The following NAALADL2 variants were observed in gnomAD, a reference collection of about 807,000 sequenced individuals.
The protein encoded by NAALADL2 is N-acetylated alpha-linked acidic dipeptidase like 2.
NAALADL2 carries 76 observed loss-of-function variants against 87.2 expected under a neutral mutation model. That is an observed-to-expected ratio of 0.87 (90% CI 0.72 to 1.05). The LOEUF (loss-of-function observed/expected upper bound fraction) is 1.05. Among genes scored for constraint, NAALADL2 ranks in the 50% least tolerant of loss-of-function variants. NAALADL2 has a pLI of 0.00. For synonymous variants in NAALADL2, 354 were observed against 331.0 expected, an observed-to-expected ratio of 1.07 and a Z score of -0.75; for missense variants, 1,089 against 945.8, an observed-to-expected ratio of 1.15 and a Z score of -1.99.
At chr3:174,694,863 G>C (rs1728883353) in intron 2 of NAALADL2, among the ~76,000 whole-genome samples, 1 of 151,958 alleles carries the variant, frequency 6.6e-6, no homozygotes, top group African/African-American at 2.4e-5. Context: ...GTTAAGTACT[G>C]CCCATTAATA....
At chr3:175,516,345 T>C (rs1731829994) in intron 9 of NAALADL2, among the ~76,000 whole-genome samples, 1 of 152,128 alleles carries the variant, frequency 6.6e-6, no homozygotes, top group African/African-American at 2.4e-5. Flanking sequence ...AAGGAGAAGG[T>C]ATTGTCTTAG....
intron 2 of NAALADL2, among the ~76,000 whole-genome samples, chr3:175,173,019 G>A (rs915134815): frequency 1.3e-4 from 19 of 151,920 alleles, no homozygotes; most frequent in Non-Finnish European, 1.0e-4. Flanking sequence ...AGCCAGGTGC[G>A]GTGGCTCACC....
intron 2 of NAALADL2, among the ~76,000 whole-genome samples, chr3:175,137,358 C>A (rs1437202545): frequency 1.3e-5 from 2 of 152,018 alleles, no homozygotes; most frequent in African/African-American, 4.8e-5. Flanking sequence ...AATTTCATAA[C>A]ACATTATTTC....
At chr3:175,312,087 C>T (rs1758448333) in intron 4 of NAALADL2, among the ~76,000 whole-genome samples, 1 of 152,016 alleles carries the variant, frequency 6.6e-6, no homozygotes, top group Admixed American at 6.6e-5. Flanking sequence ...ACACTGGAAT[C>T]TTACAAGAAT....
chr3:175,751,986 A>G (rs1746680283), intron 12 of NAALADL2, among the ~76,000 whole-genome samples: 1 of 152,052 alleles, frequency 6.6e-6, no homozygotes, highest in Non-Finnish European at 1.5e-5. Context: ...TTAGTAAGAA[A>G]GTGAAGGAAA....
chr3:174,812,217 A>G (rs916732844), intron 3 of NAALADL2, among the ~76,000 whole-genome samples: 12 of 152,132 alleles, frequency 7.9e-5, no homozygotes, highest in African/African-American at 2.4e-4. Context: ...TCATGAGTCT[A>G]TTTATATAGA....
chr3:175,366,005 T>A (rs182528532), intron 5 of NAALADL2, among the ~76,000 whole-genome samples: 2,132 of 123,428 alleles, frequency 0.017, 128 homozygotes, highest in African/African-American at 0.06. Flanking sequence ...TATCTCCTAA[T>A]GCTAACCCTC....
At chr3:175,057,851 T>C (rs1712550364) in intron 1 of NAALADL2, among the ~76,000 whole-genome samples, 1 of 152,194 alleles carries the variant, frequency 6.6e-6, no homozygotes, top group African/African-American at 2.4e-5. Flanking sequence ...TTCACAGCTG[T>C]CACTACTACA....
chr3:175,381,398 A>T (rs1441441007), intron 5 of NAALADL2, among the ~76,000 whole-genome samples: 4 of 151,754 alleles, frequency 2.6e-5, no homozygotes, highest in Non-Finnish European at 5.9e-5. Context: ...TTATTGTCTA[A>T]AAATATTTTC....
chr3:175,312,003 A>T (rs1359496457), intron 4 of NAALADL2, among the ~76,000 whole-genome samples: 1 of 152,178 alleles, frequency 6.6e-6, no homozygotes, highest in Non-Finnish European at 1.5e-5. Flanking sequence ...GATTACAGTG[A>T]ATTTTCCTAA....
intron 12 of NAALADL2, among the ~76,000 whole-genome samples, chr3:175,752,520 G>C (rs894029632): frequency 1.3e-5 from 2 of 152,076 alleles, no homozygotes; most frequent in African/African-American, 4.8e-5. Flanking sequence ...ATGGCTACTA[G>C]AAATCTTTGG....
chr3:175,725,283 T>A (rs1742773332), intron 11 of NAALADL2, among the ~76,000 whole-genome samples: 1 of 152,136 alleles, frequency 6.6e-6, no homozygotes, highest in Non-Finnish European at 1.5e-5. Context: ...ATTTACAAAG[T>A]ACATCATTTA....
At chr3:174,838,037 GAA>G (rs1158682043) in intron 3 of NAALADL2, among the ~76,000 whole-genome samples, 1 of 117,366 alleles carries the variant, frequency 8.5e-6, no homozygotes, top group African/African-American at 3.2e-5. Flanking sequence ...AAAAAAAAAA[GAA>G]AAAAAAAAAA....
At chr3:175,555,478 A>G (rs1407413019) in intron 9 of NAALADL2, among the ~76,000 whole-genome samples, 1 of 152,156 alleles carries the variant, frequency 6.6e-6, no homozygotes, top group Non-Finnish European at 1.5e-5. Flanking sequence ...TGTACCCTTT[A>G]AGGCACTCTT....
chr3:175,323,223 T>C (rs1336958582), intron 4 of NAALADL2, among the ~76,000 whole-genome samples: 8 of 145,742 alleles, frequency 5.5e-5, no homozygotes, highest in South Asian at 2.2e-4. Context: ...TCATTCTCAG[T>C]AAACTATCGC....
rs148266842 is a variant in NAALADL2 at position 175,349,270 on chromosome 3, T to C, written c.1090+24945T>C. Among the ~76,000 whole-genome samples the C allele has an allele frequency of 3.3e-3, 488 of 149,672 alleles. 1 individual carries two copies. Among genetic ancestry groups the C allele is most frequent in the African/African-American group, 0.012 (474 of 40,714 alleles). ...TTGTTCCAGAGACTGAGGAAAGCAG[T>C]TGAACCCAGATCTGAAGTATGTTAA... On this transcript the variant is annotated intron_variant, in intron 5 of 13. Coordinates refer to ENST00000454872, the MANE Select transcript of NAALADL2 (RefSeq NM_207015.3).
At chr3:174,664,976 T>A (rs9829932) in intron 2 of NAALADL2, among the ~76,000 whole-genome samples, 11,174 of 152,202 alleles carry the variant, frequency 0.073, 1,370 homozygotes, top group African/African-American at 0.26. Context: ...AGAGTGGAAC[T>A]TTCAGTTGCT....
At chr3:175,697,402 C>CACAA (rs1259399907) in intron 11 of NAALADL2, among the ~76,000 whole-genome samples, 1 of 93,660 alleles carries the variant, frequency 1.1e-5, no homozygotes, top group African/African-American at 4.7e-5. Flanking sequence ...TGCACACAGA[C>CACAA]ACACACACAC....
chr3:175,733,815 A>G (rs1308339931), intron 11 of NAALADL2, among the ~76,000 whole-genome samples: 1 of 152,218 alleles, frequency 6.6e-6, no homozygotes, highest in African/African-American at 2.4e-5. Flanking sequence ...GAAATTGACC[A>G]AAATACAGGG....
Sources: gnomAD v4.1 joint callset for allele counts (sites outside exome capture counted in the v4.1 genomes callset) on GRCh38, gnomAD v4.1.1 for gene constraint, MANE v1.5 for transcripts, NCBI Gene and HGNC (gene_info 2026-07-23, HGNC 2026-07-21) for gene names.